The following EPAS1 variants were observed in gnomAD, a reference collection of about 807,000 sequenced individuals.
The protein encoded by EPAS1 is endothelial PAS domain-containing protein 1.
Under a neutral mutation model 87.9 loss-of-function variants are expected in EPAS1, and 23 were observed. The ratio of observed to expected loss-of-function variants is 0.26; its 90% confidence interval spans 0.19 to 0.37. The LOEUF (loss-of-function observed/expected upper bound fraction) is 0.37, where lower values mean the gene tolerates loss of function less well. Among genes scored for constraint, EPAS1 ranks in the 10% least tolerant of loss-of-function variants. EPAS1 has a pLI of 1.00. For synonymous variants in EPAS1, 508 were observed against 444.3 expected (o/e 1.14, Z -1.80); for missense variants, 1,138 against 1,120.7 (o/e 1.02, Z -0.22).
At chr2:46,358,618 T>C (rs1572636980) in intron 4 of EPAS1, among the ~76,000 whole-genome samples, 3 of 152,202 alleles carry the variant, frequency 2.0e-5, no homozygotes, top group African/African-American at 7.2e-5. Context: ...GGTATTGGAC[T>C]AGGCAAAGGC....
At chr2:46,372,476 T>C (rs1017909645) in intron 7 of EPAS1, among the ~76,000 whole-genome samples, 1 of 152,270 alleles carries the variant, frequency 6.6e-6, no homozygotes, top group African/African-American at 2.4e-5. Flanking sequence ...ACCGTTGAAA[T>C]GCCTGGAGAA....
intron 1 of EPAS1, among the ~76,000 whole-genome samples, chr2:46,303,736 G>A (rs1167922296): frequency 6.6e-6 from 1 of 152,206 alleles, no homozygotes; most frequent in African/African-American, 2.4e-5. Context: ...GCCTTTCAAA[G>A]GTTCTAGGAT....
chr2:46,377,607 A>T (rs1175265940), intron 9 of EPAS1, among the ~76,000 whole-genome samples: 1 of 152,018 alleles, frequency 6.6e-6, no homozygotes, highest in Non-Finnish European at 1.5e-5. Flanking sequence ...TTCCTTGTCT[A>T]CCCTTCCGGA....
chr2:46,371,919 G>A lies in EPAS1; in HGVS notation c.886+1986G>A, dbSNP rs1325118650. Among the ~76,000 whole-genome samples, 1 of 152,178 alleles carries A rather than the reference G, an allele frequency of 6.6e-6. No homozygotes were observed. The highest frequency in any genetic ancestry group is 2.4e-5 in the African/African-American group (1 of 41,440). Reference sequence around the variant, plus strand: ...TTTTATCTTGTAGGATGGGAAAGCAGAAGAAGCTACTGTCAAAGGAAAAAA... The same window carrying A: ...TTTTATCTTGTAGGATGGGAAAGCAAAAGAAGCTACTGTCAAAGGAAAAAA... On this transcript the variant is annotated intron_variant, in intron 7 of 15. Coordinates refer to ENST00000263734, the MANE Select transcript of EPAS1 (RefSeq NM_001430.5). The surrounding 1 kb of genome is among the most constrained non-coding windows in gnomAD (Gnocchi z 4.3).
At position 46,382,029 on chromosome 2, in the gene EPAS1, C is replaced by G. The variant is rs1684907905; in HGVS notation, c.2227C>G (p.Leu743Val). Residue 743 changes from leucine to valine, a missense_variant, in exon 14 of 16, where the codon CTC becomes GTC. Physicochemically the swap from Leu to Val is conservative, Grantham distance 32. Around this residue, in one of 4 missense-constraint regions of EPAS1, gnomAD observed 502 missense variants for 427.1 expected, o/e 1.18. Transcript: ENST00000263734. Reference protein sequence around the residue: ...SHLMWKRMKNLRGGSCPLMPD... With the variant: ...SHLMWKRMKNVRGGSCPLMPD... ...TTTGATGTGGAAACGGATGAAGAACCTCAGGGGTGGGAGCTGCCCTTTGAT... is the reference window on the plus strand; with the variant it reads ...TTTGATGTGGAAACGGATGAAGAACGTCAGGGGTGGGAGCTGCCCTTTGAT... 1 of 1,613,972 alleles carries G rather than the reference C, an allele frequency of 6.2e-7. No homozygotes were observed. Among genetic ancestry groups the G allele is most frequent in the African/African-American group, 1.3e-5 (1 of 74,932 alleles).
chr2:46,382,112 G>A (rs757649810), intron 14 of EPAS1, 23 bp downstream of exon 14: 1 of 1,606,980 alleles, frequency 6.2e-7, no homozygotes, highest in African/African-American at 1.3e-5. Context: ...CACAGGCCTG[G>A]GCCTCCTGGG....
intron 1 of EPAS1, among the ~76,000 whole-genome samples, chr2:46,318,312 G>A (rs950331057): frequency 6.6e-6 from 1 of 152,104 alleles, no homozygotes; most frequent in Middle Eastern, 3.4e-3. Flanking sequence ...AATTACGGTG[G>A]TAACATCAAA....
At chr2:46,310,108 A>C (rs1683182503) in intron 1 of EPAS1, among the ~76,000 whole-genome samples, 1 of 152,332 alleles carries the variant, frequency 6.6e-6, no homozygotes, top group African/African-American at 2.4e-5. Context: ...AATAAACGCC[A>C]TGTCTGAGTC....
rs546946216 is a variant in EPAS1, at chr2:46,380,739, G to A, written c.2045+22G>A. 6.3e-5 allele frequency: 101 copies of A among 1,605,502 alleles called. 1 individual carries two copies. The South Asian group carries it at 1.0e-3, about 17-fold the overall frequency. ...CAAGGTAAGTGGCAGATACTCAGCT[G>A]TACCAGCAGGGCCGAACCGAGAGGC... is the stretch of plus-strand genomic sequence containing the variant. On this transcript the variant is annotated intron_variant, in intron 12 of 15. Coordinates refer to ENST00000263734, the MANE Select transcript of EPAS1 (RefSeq NM_001430.5). This position sits in a 1 kb window ranked among gnomAD's most constrained non-coding sequence, Gnocchi z 4.4.
At chr2:46,384,442 A>G (rs199959643) in intron 15 of EPAS1, 67 bp from the exon 16 acceptor site, 51 of 1,609,412 alleles carry the variant, frequency 3.2e-5, no homozygotes, top group Non-Finnish European at 3.9e-5. Flanking sequence ...CCCAGTCACA[A>G]AGAAGTAGAC....
chr2:46,298,631 TG>T (rs1441393560), intron 1 of EPAS1, among the ~76,000 whole-genome samples: 1 of 152,200 alleles, frequency 6.6e-6, no homozygotes. Flanking sequence ...ACGGCAACAC[TG>T]GATGTCCCTG....
rs376671086 is a variant in EPAS1, at chr2:46,300,583, G to T, written c.26+2646G>T. On this transcript the variant is annotated intron_variant, in intron 1 of 15. Transcript: ENST00000263734. The surrounding 1 kb of genome is among the most constrained non-coding windows in gnomAD (Gnocchi z 4.1). ...GATGTCAGAAACTGAAGCCTGGTGG[G>T]TGGGGGTACTGCACTTTCACTCACC... is the stretch of plus-strand genomic sequence containing the variant. Among the ~76,000 whole-genome samples the T allele has an allele frequency of 9.8e-4, 150 of 152,344 alleles. 1 individual carries two copies. The highest frequency in any genetic ancestry group is 3.3e-3 in the African/African-American group (139 of 41,576).
At chr2:46,297,994 CG>C in intron 1 of EPAS1, 57 bp downstream of exon 1, 1 of 1,597,184 alleles carries the variant, frequency 6.3e-7, no homozygotes, top group Admixed American at 1.7e-5. Context: ...CCGGGCTGCG[CG>C]GGGCAGGCGC....
intron 6 of EPAS1, among the ~76,000 whole-genome samples, chr2:46,366,825 G>C (rs1323109197): frequency 6.6e-6 from 1 of 152,246 alleles, no homozygotes; most frequent in Non-Finnish European, 1.5e-5. Context: ...AAATGAGCGG[G>C]GAAGGCCCTT....
chr2:46,376,661 G>C lies in EPAS1; in HGVS notation c.1157G>C (p.Ser386Thr). The C allele has an allele frequency of 1.2e-6, 2 of 1,614,156 alleles. No individual in the cohort carries two copies. The highest frequency in any genetic ancestry group is 1.3e-5 in the African/African-American group (1 of 75,026). The change falls in exon 9 of 16, where the codon AGT becomes ACT. Residue 386 changes from serine to threonine, a missense_variant. By Grantham distance (58) the Ser-to-Thr change is moderately conservative. Transcript: ENST00000263734. ...SSGKGAVSEK[S>T]NFLFTKLKEE... The stretch of plus-strand genomic sequence containing the variant: ...GGCAAGGGGGCTGTGTCTGAGAAGA[G>C]TAACTTCCTATTCACCAAGCTAAAG...
chr2:46,378,691 A>G lies in EPAS1; in HGVS notation c.1478A>G (p.Asp493Gly). 4 of 1,614,142 alleles carry G rather than the reference A, an allele frequency of 2.5e-6. No homozygotes were observed. Among genetic ancestry groups the G allele is most frequent in the East Asian group, 2.2e-5 (1 of 44,888 alleles). Residue 493 changes from aspartate (D) to glycine (G), a missense_variant, in exon 11 of 16, where the codon GAT becomes GGT. By Grantham distance (94) the Asp-to-Gly change is moderately conservative. Transcript: ENST00000263734. Reference sequence around the variant, plus strand: ...CCTGAAGACTATTACACATCTTTGGATAACGACCTGAAGATTGAAGTGATT... The same window carrying G: ...CCTGAAGACTATTACACATCTTTGGGTAACGACCTGAAGATTGAAGTGATT... ...NSPEDYYTSL[D>G]NDLKIEVIEK...
At chr2:46,323,918 C>G (rs536498128) in intron 1 of EPAS1, among the ~76,000 whole-genome samples, 8 of 152,208 alleles carry the variant, frequency 5.3e-5, no homozygotes, top group Non-Finnish European at 1.0e-4. Flanking sequence ...CCACCATGAT[C>G]TTTTGCGTGT....
rs764818638 is a variant in EPAS1, at chr2:46,381,668, G to A, written c.2118G>A (p.Leu706=). ...SPAMVALSNK[L]KLKRQLEYEE... is the part of the protein sequence containing the mutation. Reference sequence around the variant, plus strand: ...CCATGGTAGCCCTCTCCAACAAGCTGAAGCTGAAGCGACAGCTGGAGTATG... The same window carrying A: ...CCATGGTAGCCCTCTCCAACAAGCTAAAGCTGAAGCGACAGCTGGAGTATG... The change falls in exon 13 of 16, where the codon CTG becomes CTA. Residue 706 remains leucine, a synonymous_variant. Coordinates refer to ENST00000263734, the MANE Select transcript of EPAS1 (RefSeq NM_001430.5). 9 of 1,613,936 alleles carry A rather than the reference G, an allele frequency of 5.6e-6. No individual in the cohort carries two copies. The highest frequency in any genetic ancestry group is 1.3e-5 in the African/African-American group (1 of 74,936).
chr2:46,364,540 G>T (rs1432414216), intron 6 of EPAS1, among the ~76,000 whole-genome samples: 1 of 152,212 alleles, frequency 6.6e-6, no homozygotes, highest in Non-Finnish European at 1.5e-5. Flanking sequence ...AAGGAATACA[G>T]ATGGTTCAAA....
Sources: allele counts gnomAD v4.1 joint callset (sites outside exome capture counted in the v4.1 genomes callset), GRCh38; gene constraint gnomAD v4.1.1; regional missense constraint gnomAD v4.1.1; non-coding constraint Gnocchi (gnomAD v3.1); transcripts MANE v1.5; gene names NCBI Gene and HGNC (gene_info 2026-07-23, HGNC 2026-07-21).